Variants in GOPC observed in about 807,000 individuals in gnomAD.
GOPC encodes the protein Golgi-associated PDZ and coiled-coil motif-containing protein.
In GOPC, 32 loss-of-function variants were observed where a neutral mutation model predicts 51.2. The ratio of observed to expected loss-of-function variants is 0.63; its 90% CI spans 0.47 to 0.84. The LOEUF (loss-of-function observed/expected upper bound fraction) is 0.84. GOPC is among the 40% of genes least tolerant of loss of function. GOPC has a pLI of 0.00. For missense variants in GOPC, 441 were observed against 555.5 expected (o/e 0.79, Z 2.07); for synonymous variants, 190 against 205.1 (o/e 0.93, Z 0.63).
Position 117,580,483 on chromosome 6 carries a change from A to C in GOPC, c.286-1419T>G, listed in dbSNP as rs556740380. Among the ~76,000 whole-genome samples, 10 of 152,242 alleles carry C rather than the reference A, an allele frequency of 6.6e-5. No individual in the cohort carries two copies. In the South Asian group the frequency reaches 2.1e-3, roughly 32 times the overall value. On this transcript the variant is annotated intron_variant, in intron 1 of 8. Coordinates refer to ENST00000368498, the MANE Select transcript of GOPC (RefSeq NM_020399.4). ...AAGGGATGGTATACTGACAGACTGG[A>C]TATGACCCGATAGGAGAAATGAAGC... is the stretch of plus-strand genomic sequence containing the variant.
At chr6:117,575,926 T>C (rs986160825) in intron 3 of GOPC, among the ~76,000 whole-genome samples, 2 of 152,110 alleles carry the variant, frequency 1.3e-5, no homozygotes, top group Non-Finnish European at 2.9e-5. Flanking sequence ...CTTGAGGAAA[T>C]GATGAATAGT....
At chr6:117,593,186 TCTA>T (rs1780144282) in intron 1 of GOPC, among the ~76,000 whole-genome samples, 1 of 152,150 alleles carries the variant, frequency 6.6e-6, no homozygotes, top group East Asian at 1.9e-4. Flanking sequence ...TCAAACCTCT[TCTA>T]CTAGCCTCAT....
At chr6:117,571,209 G>A (rs1230993655) in intron 5 of GOPC, among the ~76,000 whole-genome samples, 1 of 152,018 alleles carries the variant, frequency 6.6e-6, no homozygotes, top group African/African-American at 2.4e-5. Context: ...TTTTTAAATT[G>A]TAGGGCATTA....
chr6:117,582,665 TCCC>T (rs1779977536), intron 1 of GOPC, among the ~76,000 whole-genome samples: 2 of 150,306 alleles, frequency 1.3e-5, no homozygotes, highest in South Asian at 4.2e-4. Flanking sequence ...GCCCTTCCCA[TCCC>T]CTTTCCAGCT....
intron 1 of GOPC, among the ~76,000 whole-genome samples, chr6:117,592,240 G>A (rs549996159): frequency 8.5e-5 from 13 of 152,126 alleles, no homozygotes; most frequent in African/African-American, 3.1e-4. Flanking sequence ...GGTGGCTGGC[G>A]CCTGCAATCC....
intron 8 of GOPC, among the ~76,000 whole-genome samples, chr6:117,566,142 A>AGT (rs1433400033): frequency 6.6e-6 from 1 of 152,206 alleles, no homozygotes; most frequent in Non-Finnish European, 1.5e-5. Context: ...TGCCTTGATT[A>AGT]GTGCTAAGGC....
intron 8 of GOPC, among the ~76,000 whole-genome samples, chr6:117,565,668 T>A (rs1779681618): frequency 6.6e-6 from 1 of 152,210 alleles, no homozygotes; most frequent in Non-Finnish European, 1.5e-5. Context: ...GTCAAGCTCA[T>A]GGTGATCAAC....
rs1456556004 is a variant in GOPC, at chr6:117,578,946, G to C, written c.404C>G (p.Ala135Gly). The C allele has an allele frequency of 6.2e-7, 1 of 1,610,762 alleles. No individual in the cohort carries two copies. Among genetic ancestry groups the C allele is most frequent in the Admixed American group, 1.7e-5 (1 of 59,378 alleles). ...AGAGTCAGCACTTTGACCAGTTTTA[G>C]CATGAAGCTGCAGCTGAATAGAGTG... ...QLHSIQLQLHAKTGQSADSGT... is the reference protein window; with the variant it reads ...QLHSIQLQLHGKTGQSADSGT... Residue 135 changes from alanine to glycine, a missense_variant, in exon 2 of 9, where the codon GCT (alanine) becomes GGT (glycine). This residue lies in a region of GOPC where 204 missense variants were observed against 219.8 expected (regional missense o/e 0.93). Transcript: ENST00000368498.
chr6:117,589,194 A>G (rs567782311), intron 1 of GOPC, among the ~76,000 whole-genome samples: 1 of 152,376 alleles, frequency 6.6e-6, no homozygotes, highest in African/African-American at 2.4e-5. Context: ...GAGTAAGAGG[A>G]AAGAATGGTA....
chr6:117,582,970 C>T (rs1358972716), intron 1 of GOPC, among the ~76,000 whole-genome samples: 1 of 151,994 alleles, frequency 6.6e-6, no homozygotes, highest in African/African-American at 2.4e-5. Context: ...CACTTCTGTC[C>T]AGCAGAGCTA....
intron 1 of GOPC, 134 bp downstream of exon 1, chr6:117,601,870 C>T (rs889915277): frequency 2.0e-6 from 2 of 989,380 alleles, no homozygotes; most frequent in African/African-American, 3.3e-5. Context: ...ACTCCTCAGA[C>T]ATGCACTCTC....
Position 117,602,328 on chromosome 6 carries a change from G to A in GOPC, c.-40C>T, listed in dbSNP as rs369300741. ...CCTCTCCCGACTGCTGAAGACCCTC[G>A]CCGCCCCCCGCGCACGAAGGGAACT... On this transcript the variant is annotated 5_prime_UTR_variant, in exon 1 of 9. Coordinates refer to ENST00000368498, the MANE Select transcript of GOPC (RefSeq NM_020399.4). 1.1e-5 allele frequency: 17 copies of A among 1,514,108 alleles called. No homozygotes were observed. The African/African-American group carries it at 2.1e-4, about 19-fold the overall frequency. 93.8% of individuals were successfully genotyped at this position (1,514,108 alleles called of 1,614,324 possible).
At chr6:117,571,995 T>C in intron 5 of GOPC, among the ~76,000 whole-genome samples, 1 of 152,284 alleles carries the variant, frequency 6.6e-6, no homozygotes, top group South Asian at 2.1e-4. Flanking sequence ...ACTTTATATA[T>C]ACATATATAC....
chr6:117,571,454 T>C (rs898298058), intron 5 of GOPC, among the ~76,000 whole-genome samples: 3 of 152,172 alleles, frequency 2.0e-5, no homozygotes, highest in Non-Finnish European at 2.9e-5. Context: ...ACCCTTACTC[T>C]TTCTGTCTCT....
At position 117,573,567 on chromosome 6, in the gene GOPC, T is replaced by A; in HGVS notation, c.716A>T (p.Gln239Leu). The A allele has an allele frequency of 6.2e-7, 1 of 1,614,108 alleles. No homozygotes were observed. Among genetic ancestry groups the A allele is most frequent in the South Asian group, 1.1e-5 (1 of 91,074 alleles). The change falls in exon 5 of 9, where the codon CAA becomes CTA. Residue 239 changes from glutamine (Q) to leucine (L), a missense_variant. Gln to Leu is a moderately radical substitution (Grantham distance 113). Around this residue, in one of 3 missense-constraint regions of GOPC, gnomAD observed 166 missense variants for 267.0 expected, o/e 0.62. Coordinates refer to ENST00000368498, the MANE Select transcript of GOPC (RefSeq NM_020399.4). ...ATGCAAATGTATTTCAGCTTCTAAT[T>A]GGTTCCAAAGCTTATCATGAGCAGG... The part of the protein sequence containing the change: ...KGPAHDKLWN[Q>L]LEAEIHLHRH...
At position 117,575,202 on chromosome 6, in the gene GOPC, A is replaced by G; in HGVS notation, c.625T>C (p.Tyr209His). 2 of 1,606,588 alleles carry G rather than the reference A, an allele frequency of 1.2e-6. No homozygotes were observed. The highest frequency in any genetic ancestry group is 1.7e-6 in the Non-Finnish European group (2 of 1,178,194). Residue 209 changes from tyrosine to histidine, a missense_variant, in exon 4 of 9, where the codon TAC (tyrosine) becomes CAC (histidine). By Grantham distance (83) the Tyr-to-His change is moderately conservative. Coordinates refer to ENST00000368498, the MANE Select transcript of GOPC (RefSeq NM_020399.4). ...CTTCCTGCCAGTTCCTTATCCAAGT[A>G]CTTGGCAGCTAGTCTCGCCCCATAT... ...EVYGARLAAKYLDKELAGRVQ... is the reference protein window; with the variant it reads ...EVYGARLAAKHLDKELAGRVQ...
chr6:117,585,712 G>A (rs542031144), intron 1 of GOPC, among the ~76,000 whole-genome samples: 4 of 152,240 alleles, frequency 2.6e-5, no homozygotes, highest in Admixed American at 6.5e-5. Context: ...ACTAGACAAA[G>A]CTTTAACTAA....
Position 117,566,986 on chromosome 6 carries a change from A to C in GOPC, c.1126T>G (p.Ser376Ala). 1 of 1,609,854 alleles carries C rather than the reference A, an allele frequency of 6.2e-7. No individual in the cohort carries two copies. The highest frequency in any genetic ancestry group is 8.5e-7 in the Non-Finnish European group (1 of 1,178,350). Residue 376 changes from serine (S) to alanine (A), a missense_variant, in exon 8 of 9, where the codon TCT becomes GCT. Ser to Ala is a moderately conservative substitution (Grantham distance 99). This residue lies in a region of GOPC where 166 missense variants were observed against 267.0 expected (regional missense o/e 0.62). Coordinates refer to ENST00000368498, the MANE Select transcript of GOPC (RefSeq NM_020399.4). ...EVVYVAPEVD[S>A]DDENVEYEDE... Reference sequence around the variant, plus strand: ...TCATACTCTACGTTTTCATCATCAGAATCCACTTCAGGAGCCACATAAACT... The same window carrying C: ...TCATACTCTACGTTTTCATCATCAGCATCCACTTCAGGAGCCACATAAACT...
chr6:117,586,241 T>TA (rs953067128), intron 1 of GOPC, among the ~76,000 whole-genome samples: 23 of 151,980 alleles, frequency 1.5e-4, no homozygotes, highest in Non-Finnish European at 7.4e-5. Context: ...AACAAAAATG[T>TA]AAAAAATAAA....
Sources: gnomAD v4.1 joint callset for allele counts (sites outside exome capture counted in the v4.1 genomes callset) on GRCh38, gnomAD v4.1.1 for gene constraint, gnomAD v4.1.1 regional missense constraint, MANE v1.5 for transcripts, NCBI Gene and HGNC (gene_info 2026-07-23, HGNC 2026-07-21) for gene names.